The following FOXP1 variants were observed in gnomAD, a reference collection of about 807,000 sequenced individuals.
FOXP1 encodes the protein forkhead box P1.
A neutral mutation model predicts 98.2 loss-of-function variants in FOXP1; 15 were observed. That is an observed-to-expected ratio of 0.15 (90% CI 0.10 to 0.24). FOXP1 has a LOEUF of 0.24. FOXP1 is among the 10% of genes least tolerant of loss of function. The pLI, the probability that FOXP1 is intolerant of heterozygous loss-of-function variation, is 1.00. For synonymous variants in FOXP1, 371 were observed against 314.5 expected, an observed-to-expected ratio of 1.18 and a Z score of -1.90; for missense variants, 633 against 848.5, an observed-to-expected ratio of 0.75 and a Z score of 3.15.
At chr3:71,477,116 G>C (rs967445805) in intron 3 of FOXP1, among the ~76,000 whole-genome samples, 1 of 152,008 alleles carries the variant, frequency 6.6e-6, no homozygotes, top group African/African-American at 2.4e-5. Flanking sequence ...GCTGGTTTCC[G>C]CCATCTTTCT....
intron 12 of FOXP1, among the ~76,000 whole-genome samples, chr3:71,010,489 G>C (rs1361521174): frequency 6.6e-6 from 1 of 152,168 alleles, no homozygotes; most frequent in Admixed American, 6.5e-5. Context: ...GACTATGCCT[G>C]TTTTAAGGTT....
chr3:70,965,930 C>A lies in FOXP1; in HGVS notation c.1849G>T (p.Glu617Ter). 1 of 1,614,130 alleles carries A rather than the reference C, an allele frequency of 6.2e-7. No homozygotes were observed. The highest frequency in any genetic ancestry group is 8.5e-7 in the Non-Finnish European group (1 of 1,180,016). ...GATCTGCCTGGACTGCTGTCACTCTCGTTGCTGTTGGTATGCTCCATTGCC... is the reference window on the plus strand; with the variant it reads ...GATCTGCCTGGACTGCTGTCACTCTAGTTGCTGTTGGTATGCTCCATTGCC... ...NGAMEHTNSN[E>*]SDSSPGRSPM... Residue 617 changes from glutamate to a stop codon, truncating the protein, a stop_gained, in exon 20 of 21, where the codon GAG (glutamate) becomes TAG (stop). Coordinates refer to ENST00000649528, the MANE Select transcript of FOXP1 (RefSeq NM_001349338.3). LOFTEE classifies it high-confidence loss of function.
At chr3:71,328,158 G>A (rs2076034102) in intron 4 of FOXP1, among the ~76,000 whole-genome samples, 1 of 152,170 alleles carries the variant, frequency 6.6e-6, no homozygotes, top group Non-Finnish European at 1.5e-5. Context: ...CAAACAGGCT[G>A]GGCACTCATG....
At chr3:71,064,035 C>T (rs1482556266) in intron 7 of FOXP1, among the ~76,000 whole-genome samples, 2 of 152,066 alleles carry the variant, frequency 1.3e-5, no homozygotes, top group Non-Finnish European at 2.9e-5. Flanking sequence ...GCTGGGAGTA[C>T]CCCGTGGCAA....
At chr3:70,985,741 ACAAT>A (rs1372100572) in intron 14 of FOXP1, among the ~76,000 whole-genome samples, 2 of 152,110 alleles carry the variant, frequency 1.3e-5, no homozygotes, top group African/African-American at 4.8e-5. Flanking sequence ...ACTAATCCAA[ACAAT>A]CTATGTATTT....
At chr3:71,308,551 A>T (rs570082402) in intron 4 of FOXP1, among the ~76,000 whole-genome samples, 1 of 152,286 alleles carries the variant, frequency 6.6e-6, no homozygotes, top group Non-Finnish European at 1.5e-5. Context: ...GATTTCAATA[A>T]GGTTAGGACT....
At position 71,041,382 on chromosome 3, in the gene FOXP1, T is replaced by G. The variant is rs1230037323; in HGVS notation, c.815A>C (p.Asn272Thr). 6.2e-7 allele frequency: 1 copy of G among 1,613,436 alleles called. No individual in the cohort carries two copies. The highest frequency in any genetic ancestry group is 8.5e-7 in the Non-Finnish European group (1 of 1,179,782). Residue 272 changes from asparagine to threonine, a missense_variant, in exon 11 of 21, where the codon AAC (asparagine) becomes ACC (threonine). Asn to Thr is a moderately conservative substitution (Grantham distance 65). Coordinates refer to ENST00000649528, the MANE Select transcript of FOXP1 (RefSeq NM_001349338.3). ...SAPSKTSLIMNPHASTNGQLS... is the reference protein window; with the variant it reads ...SAPSKTSLIMTPHASTNGQLS... ...CTGTCCATTGGTAGAGGCATGTGGG[T>G]TCATTATTAAGGAGGTCTTGGAAGG...
chr3:71,395,880 G>T (rs1440643579), intron 3 of FOXP1, among the ~76,000 whole-genome samples: 2 of 152,016 alleles, frequency 1.3e-5, no homozygotes, highest in African/African-American at 2.4e-5. Context: ...GGGGGGGTTG[G>T]TTATGAATGA....
chr3:71,502,173 C>T (rs1477310819), intron 2 of FOXP1, among the ~76,000 whole-genome samples: 1 of 152,182 alleles, frequency 6.6e-6, no homozygotes, highest in African/African-American at 2.4e-5. Flanking sequence ...TGGCAGAAAA[C>T]ACAAACCTTC....
At chr3:71,083,435 T>G (rs557609854) in intron 7 of FOXP1, among the ~76,000 whole-genome samples, 29 of 152,290 alleles carry the variant, frequency 1.9e-4, no homozygotes, top group African/African-American at 6.3e-4. Context: ...CCACAGGTAT[T>G]TCTTTATAGT....
At chr3:71,498,861 T>G (rs556010319) in intron 2 of FOXP1, among the ~76,000 whole-genome samples, 2 of 152,288 alleles carry the variant, frequency 1.3e-5, no homozygotes, top group Middle Eastern at 6.8e-3. Context: ...CAGGTGATAC[T>G]GATGCTACTG....
At chr3:71,039,953 C>A (rs1025181227) in intron 11 of FOXP1, among the ~76,000 whole-genome samples, 1 of 152,128 alleles carries the variant, frequency 6.6e-6, no homozygotes, top group East Asian at 1.9e-4. Flanking sequence ...CTTAATGCAT[C>A]TTTTAGTTCT....
At chr3:71,507,622 G>A (rs2041919604) in intron 2 of FOXP1, among the ~76,000 whole-genome samples, 1 of 151,534 alleles carries the variant, frequency 6.6e-6, no homozygotes, top group Non-Finnish European at 1.5e-5. Context: ...CTGTCACCGA[G>A]GCTGGAGTGC....
In FOXP1 at chr3:71,313,991, C is replaced by T. The variant is rs116794350; in HGVS notation, c.-72-14111G>A. 8.7e-3 allele frequency among the ~76,000 whole-genome samples: 1,320 copies of T among 152,222 alleles called. 15 individuals are homozygous for T. The highest frequency in any genetic ancestry group is 0.029 in the African/African-American group (1,220 of 41,518). On this transcript the variant is annotated intron_variant, in intron 4 of 20. Transcript: ENST00000649528. ...CTCTGGTGCTGACTGACCTTGTGAG[C>T]TTAGGCAAATTGCCTAAGCTCTCTG...
intron 2 of FOXP1, among the ~76,000 whole-genome samples, chr3:71,498,357 G>A (rs2091555782): frequency 6.6e-6 from 1 of 152,180 alleles, no homozygotes. Flanking sequence ...GTTCCCTGAG[G>A]CCGGGACCTA....
At chr3:71,446,071 GA>G in intron 3 of FOXP1, among the ~76,000 whole-genome samples, 1 of 151,792 alleles carries the variant, frequency 6.6e-6, no homozygotes, top group Non-Finnish European at 1.5e-5. Flanking sequence ...GTGAGTGAGT[GA>G]GTGAGTGAGT....
chr3:71,302,037 G>T (rs1252399323), intron 4 of FOXP1, among the ~76,000 whole-genome samples: 1 of 152,082 alleles, frequency 6.6e-6, no homozygotes, highest in Admixed American at 6.5e-5. Flanking sequence ...ATGGGCAGTG[G>T]GATATAATCT....
intron 6 of FOXP1, among the ~76,000 whole-genome samples, chr3:71,135,959 C>T (rs1198088868): frequency 2.0e-5 from 3 of 152,180 alleles, no homozygotes; most frequent in Non-Finnish European, 4.4e-5. Context: ...GAAAATCTTC[C>T]TTCAGACAGT....
intron 4 of FOXP1, among the ~76,000 whole-genome samples, chr3:71,347,030 A>G (rs2077409742): frequency 6.6e-6 from 1 of 152,116 alleles, no homozygotes; most frequent in Non-Finnish European, 1.5e-5. Flanking sequence ...GCAAGACTCC[A>G]TCTCAAAAAA....
Sources: gnomAD v4.1 joint callset for allele counts (sites outside exome capture counted in the v4.1 genomes callset) on GRCh38, gnomAD v4.1.1 for gene constraint, MANE v1.5 for transcripts, NCBI Gene and HGNC (gene_info 2026-07-23, HGNC 2026-07-21) for gene names.